The following C14orf39 variants were observed in gnomAD, a reference collection of about 807,000 sequenced individuals.
C14orf39 encodes the protein protein SIX6OS1.
In C14orf39, 66 loss-of-function variants were observed where a neutral mutation model predicts 85.6. The ratio of observed to expected loss-of-function variants is 0.77; its 90% confidence interval spans 0.63 to 0.95. C14orf39 has a LOEUF of 0.95. Ranked by LOEUF, C14orf39 falls within the 40% of genes least tolerant of loss-of-function variation. The pLI is 0.00. For missense variants in C14orf39, 735 were observed against 663.9 expected (o/e 1.11, Z -1.18); for synonymous variants, 242 against 214.0 (o/e 1.13, Z -1.14).
At chr14:60,463,690 G>C (rs371683260) in intron 11 of C14orf39, among the ~76,000 whole-genome samples, 14 of 152,148 alleles carry the variant, frequency 9.2e-5, no homozygotes, top group Admixed American at 5.2e-4. Context: ...TTTTGGGAGA[G>C]GGCTATCTTT....
chr14:60,469,427 T>A (rs1466462613), intron 8 of C14orf39, 106 bp downstream of exon 8: 1 of 369,146 alleles, frequency 2.7e-6, no homozygotes, highest in Non-Finnish European at 4.7e-6. Flanking sequence ...TAAACCTTTC[T>A]CCACATTAGG....
intron 5 of C14orf39, among the ~76,000 whole-genome samples, chr14:60,476,909 C>T (rs1348582081): frequency 4.6e-5 from 7 of 152,112 alleles, no homozygotes; most frequent in African/African-American, 9.7e-5. Flanking sequence ...GATTATATTT[C>T]CACAATGCCT....
rs1351844903 is a variant in C14orf39 at position 60,491,190 on chromosome 14, TCA to T, written c.-8-6106_-8-6105del. On this transcript the variant is annotated intron_variant, in intron 2 of 5. Coordinates refer to the C14orf39 transcript ENST00000556799. This position sits in a 1 kb window ranked among gnomAD's most constrained non-coding sequence, Gnocchi z 4.5. ...TTCATAAATAATAGAAATTTATTTCTCACAGTTTTTGAGGTCAGTAAGTCCAA... is the reference window on the plus strand; with the variant it reads ...TTCATAAATAATAGAAATTTATTTCTCAGTTTTTGAGGTCAGTAAGTCCAA... Among the ~76,000 whole-genome samples, 1 of 152,156 alleles carries T rather than the reference TCA, an allele frequency of 6.6e-6. No individual in the cohort carries two copies. Among genetic ancestry groups the T allele is most frequent in the Admixed American group, 6.5e-5 (1 of 15,278 alleles).
At position 60,477,214 on chromosome 14, in the gene C14orf39, T is replaced by C. The variant is rs931892570; in HGVS notation, c.323+1086A>G. ...TAGATGATGGCGTACTCCAGCTTTC[T>C]CCTCTTTTTGCTCCATACATTTCCA... On this transcript the variant is annotated intron_variant, in intron 5 of 17. Transcript: ENST00000321731. Among the ~76,000 whole-genome samples, 12 of 152,326 alleles carry C rather than the reference T, an allele frequency of 7.9e-5. No homozygotes were observed. The East Asian group carries it at 9.6e-4, about 12-fold the overall frequency.
chr14:60,499,064 T>C (rs1166749945), intron 2 of C14orf39, among the ~76,000 whole-genome samples: 3 of 152,126 alleles, frequency 2.0e-5, no homozygotes, highest in Non-Finnish European at 4.4e-5. Context: ...AACACCAGCC[T>C]GGCCAACATG....
chr14:60,462,906 C>T (rs1891596458), intron 11 of C14orf39, among the ~76,000 whole-genome samples: 1 of 152,034 alleles, frequency 6.6e-6, no homozygotes, highest in Non-Finnish European at 1.5e-5. Flanking sequence ...TTGGACACAC[C>T]TGCAAGGAGA....
chr14:60,505,104 T>C (rs1340304497), intron 1 of C14orf39, among the ~76,000 whole-genome samples: 1 of 152,236 alleles, frequency 6.6e-6, no homozygotes, highest in Non-Finnish European at 1.5e-5. Context: ...TGCCAATTAA[T>C]TTAACAACAC....
chr14:60,450,818 T>C (rs1010319836), intron 16 of C14orf39, among the ~76,000 whole-genome samples: 7 of 152,160 alleles, frequency 4.6e-5, no homozygotes, highest in Non-Finnish European at 8.8e-5. Flanking sequence ...GCTCCATTTG[T>C]TTGGGAGAAA....
chr14:60,466,484 T>C (rs1891796709), intron 10 of C14orf39, among the ~76,000 whole-genome samples: 1 of 151,742 alleles, frequency 6.6e-6, no homozygotes, highest in Admixed American at 6.6e-5. Context: ...CCATGATTAC[T>C]TTTGCACCAA....
intron 7 of C14orf39, among the ~76,000 whole-genome samples, chr14:60,469,929 G>GT (rs373485742): frequency 0.44 from 47,605 of 107,754 alleles, 10,584 homozygotes; most frequent in Admixed American, 0.56. Context: ...TCACAGGGTA[G>GT]TTTTTTTTTT....
chr14:60,468,507 A>C lies in C14orf39; in HGVS notation c.705T>G (p.Ala235=), dbSNP rs1454527071. 6.3e-7 allele frequency: 1 copy of C among 1,594,092 alleles called. No individual in the cohort carries two copies. The highest frequency in any genetic ancestry group is 1.1e-5 in the South Asian group (1 of 87,898). Residue 235 remains alanine, a synonymous_variant, in exon 9 of 18, where the codon GCT becomes GCG. Transcript: ENST00000321731. ...QQISRHNETK[A]LSETLEEKNK... ...TCTTTTCTTCCAGAGTTTCTGAAAG[A>C]GCCTTAGTTTCATTATGCCTAGATA...
At chr14:60,461,211 A>C (rs1339035637) in intron 13 of C14orf39, 143 bp downstream of exon 13, 1 of 613,544 alleles carries the variant, frequency 1.6e-6, no homozygotes, top group Non-Finnish European at 2.8e-6. Flanking sequence ...TTCTATATTT[A>C]GGGAAGATGT....
intron 2 of C14orf39, among the ~76,000 whole-genome samples, chr14:60,492,879 G>GA (rs1893011621): frequency 6.6e-6 from 1 of 151,980 alleles, no homozygotes; most frequent in African/African-American, 2.4e-5. Context: ...AAATACTTAG[G>GA]AAAAAAATCT....
chr14:60,503,033 T>C (rs1893165437), intron 1 of C14orf39, among the ~76,000 whole-genome samples: 1 of 152,256 alleles, frequency 6.6e-6, no homozygotes, highest in African/African-American at 2.4e-5. Flanking sequence ...AGCATCACTG[T>C]TATTCTTTTG....
At chr14:60,499,302 T>C (rs997076933) in exon 2 of C14orf39, 1 of 151,978 alleles carries the variant, frequency 6.6e-6, no homozygotes, top group Non-Finnish European at 1.5e-5. Context: ...TTACCAGATA[T>C]TAAAATGTAC....
intron 1 of C14orf39, 23 bp from the exon 2 acceptor site, chr14:60,485,109 T>C (rs1242208318): frequency 1.3e-6 from 2 of 1,563,594 alleles, no homozygotes; most frequent in South Asian, 2.4e-5. Context: ...AAAAAAAAAA[T>C]TATAAGATTT....
At chr14:60,503,189 C>T (rs1418057811) in intron 1 of C14orf39, among the ~76,000 whole-genome samples, 1 of 152,170 alleles carries the variant, frequency 6.6e-6, no homozygotes, top group Non-Finnish European at 1.5e-5. Context: ...GAAGGGTCTT[C>T]AGTAACACCA....
intron 1 of C14orf39, chr14:60,510,065 T>G: frequency 8.9e-7 from 1 of 1,122,112 alleles, no homozygotes; most frequent in South Asian, 1.3e-5. Flanking sequence ...GCGACTCCAA[T>G]TCAGCAGGAG....
upstream of C14orf39, among the ~76,000 whole-genome samples, chr14:60,490,408 A>G (rs373202687): frequency 7.9e-5 from 12 of 151,822 alleles, no homozygotes; most frequent in African/African-American, 2.9e-4. Context: ...GTTCAAGACC[A>G]GCCTGGGAAA....
Sources: allele counts gnomAD v4.1 joint callset (sites outside exome capture counted in the v4.1 genomes callset), GRCh38; gene constraint gnomAD v4.1.1; non-coding constraint Gnocchi (gnomAD v3.1); transcripts MANE v1.5; gene names NCBI Gene and HGNC (gene_info 2026-07-23, HGNC 2026-07-21).